Variants in PRKN observed in about 807,000 individuals in gnomAD.
The protein encoded by PRKN is parkin RBR E3 ubiquitin protein ligase, also known as E3 ubiquitin-protein ligase parkin.
Under a neutral mutation model 59.5 loss-of-function variants are expected in PRKN, and 56 were observed. That is an observed-to-expected ratio of 0.94 (90% CI 0.76 to 1.18). PRKN has a LOEUF of 1.18. PRKN is among the 50% of genes most tolerant of loss of function. The pLI, the probability that PRKN is intolerant of heterozygous loss-of-function variation, is 0.00. For synonymous variants in PRKN, 250 were observed against 222.1 expected, an observed-to-expected ratio of 1.13 and a Z score of -1.12; for missense variants, 657 against 596.4, an observed-to-expected ratio of 1.10 and a Z score of -1.06.
intron 4 of PRKN, among the ~76,000 whole-genome samples, chr6:162,131,413 T>C (rs1781351052): frequency 6.6e-6 from 1 of 152,222 alleles, no homozygotes; most frequent in Non-Finnish European, 1.5e-5. Context: ...TCCAGGTTTC[T>C]ATAAAAATCA....
In PRKN at chr6:162,417,500, T is replaced by C. The variant is rs1300521546; in HGVS notation, c.171+25810A>G. 7.2e-5 allele frequency among the ~76,000 whole-genome samples: 11 copies of C among 152,264 alleles called. No individual in the cohort carries two copies. The East Asian group carries it at 7.7e-4, about 11-fold the overall frequency. ...TGACCAGAAGCTGAAGGGAGACATATGTAAAGTAGAAAAGGAGTAACTTAA... is the reference window on the plus strand; with the variant it reads ...TGACCAGAAGCTGAAGGGAGACATACGTAAAGTAGAAAAGGAGTAACTTAA... On this transcript the variant is annotated intron_variant, in intron 2 of 11. Coordinates refer to ENST00000366898, the MANE Select transcript of PRKN (RefSeq NM_004562.3).
At chr6:162,132,090 C>T (rs2128308278) in intron 4 of PRKN, among the ~76,000 whole-genome samples, 1 of 152,174 alleles carries the variant, frequency 6.6e-6, no homozygotes, top group Admixed American at 6.5e-5. Flanking sequence ...TGAGTTGACC[C>T]CTGAAGATGG....
chr6:161,487,779 C>T lies in PRKN; in HGVS notation c.1083+61075G>A, dbSNP rs1198392647. On this transcript the variant is annotated intron_variant, in intron 9 of 11. Transcript: ENST00000366898. The surrounding 1 kb of genome is among the most constrained non-coding windows in gnomAD (Gnocchi z 5.3). ...GCTCATTGCTTTGGGCATACCCTGC[C>T]TCCAGCATGAAGTCTGGCACTAGGA... is the stretch of plus-strand genomic sequence containing the variant. Among the ~76,000 whole-genome samples, 1 of 152,152 alleles carries T rather than the reference C, an allele frequency of 6.6e-6. No individual in the cohort carries two copies. The highest frequency in any genetic ancestry group is 1.5e-5 in the Non-Finnish European group (1 of 68,034).
rs138721715 is a variant in PRKN at position 162,276,752 on chromosome 6, T to C, written c.172-13987A>G. Among the ~76,000 whole-genome samples, 619 of 151,966 alleles carry C rather than the reference T, an allele frequency of 4.1e-3. 6 individuals carry two copies. Among genetic ancestry groups the C allele is most frequent in the African/African-American group, 0.014 (591 of 41,470 alleles). ...GTATTTAAGCACCTCTCTTAGATAA[T>C]TGATAGCATGTTATATACTTTTTTC... On this transcript the variant is annotated intron_variant, in intron 2 of 11. Transcript: ENST00000366898.
At position 161,530,413 on chromosome 6, in the gene PRKN, A is replaced by T. The variant is rs1363871239; in HGVS notation, c.1083+18441T>A. Among the ~76,000 whole-genome samples, 1 of 152,204 alleles carries T rather than the reference A, an allele frequency of 6.6e-6. No homozygotes were observed. Among genetic ancestry groups the T allele is most frequent in the Non-Finnish European group, 1.5e-5 (1 of 68,024 alleles). On this transcript the variant is annotated intron_variant, in intron 9 of 11. Coordinates refer to ENST00000366898, the MANE Select transcript of PRKN (RefSeq NM_004562.3). The surrounding 1 kb of genome is among the most constrained non-coding windows in gnomAD (Gnocchi z 5.0). ...TTTGAAAAATCATACTTTTAGAAGA[A>T]ATTGCCCTTTCCATTTTCTTAACTG...
chr6:161,370,860 C>T (rs1785416239), intron 10 of PRKN, among the ~76,000 whole-genome samples: 1 of 152,180 alleles, frequency 6.6e-6, no homozygotes, highest in South Asian at 2.1e-4. Flanking sequence ...TGAATGACAG[C>T]TTTTAAATGT....
At chr6:162,496,571 A>G (rs1391193672) in intron 1 of PRKN, among the ~76,000 whole-genome samples, 2 of 152,192 alleles carry the variant, frequency 1.3e-5, no homozygotes, top group African/African-American at 4.8e-5. Context: ...AGATGAAACA[A>G]ATCTCTCTCT....
chr6:161,464,788 C>G lies in PRKN; in HGVS notation c.1084-77911G>C, dbSNP rs1790376992. On this transcript the variant is annotated intron_variant, in intron 9 of 11. Transcript: ENST00000366898. ...ATTCTGACATACAGGCCCCTAAGGT[C>G]TCTTATGAATCCCCAGTGAAACGAA... 3.3e-5 allele frequency among the ~76,000 whole-genome samples: 5 copies of G among 152,208 alleles called. No homozygotes were observed. In the South Asian group the frequency reaches 8.3e-4, roughly 25 times the overall value.
intron 1 of PRKN, among the ~76,000 whole-genome samples, chr6:162,709,453 T>C (rs866306891): frequency 3.3e-5 from 5 of 151,872 alleles, no homozygotes; most frequent in Non-Finnish European, 4.4e-5. Flanking sequence ...CCTCTCCCCT[T>C]GGACAAACAG....
intron 6 of PRKN, among the ~76,000 whole-genome samples, chr6:161,864,052 C>A (rs996125409): frequency 1.3e-5 from 2 of 152,164 alleles, no homozygotes; most frequent in Admixed American, 1.3e-4. Context: ...CTGACCAGGG[C>A]AGTGGTTGCT....
At chr6:161,517,198 T>A (rs1344745379) in intron 9 of PRKN, among the ~76,000 whole-genome samples, 3 of 152,150 alleles carry the variant, frequency 2.0e-5, no homozygotes, top group Non-Finnish European at 4.4e-5. Flanking sequence ...GAGTTCATGA[T>A]TGACAAGTGT....
At chr6:162,222,725 T>C (rs1562592240) in intron 3 of PRKN, among the ~76,000 whole-genome samples, 2 of 152,118 alleles carry the variant, frequency 1.3e-5, no homozygotes, top group African/African-American at 4.8e-5. Flanking sequence ...CTCACAGAAA[T>C]TGTGAGATCA....
At chr6:162,052,594 T>C (rs1465688817) in intron 5 of PRKN, among the ~76,000 whole-genome samples, 2 of 152,220 alleles carry the variant, frequency 1.3e-5, no homozygotes, top group Non-Finnish European at 2.9e-5. Flanking sequence ...CTCAGCCCAG[T>C]ACCCAGGACT....
intron 1 of PRKN, among the ~76,000 whole-genome samples, chr6:162,474,638 A>G (rs1164889382): frequency 6.6e-6 from 1 of 152,226 alleles, no homozygotes; most frequent in Admixed American, 6.5e-5. Flanking sequence ...AGAAAACTTT[A>G]AGGGCAAACA....
intron 4 of PRKN, among the ~76,000 whole-genome samples, chr6:162,104,910 G>A (rs1426101317): frequency 6.6e-6 from 1 of 152,152 alleles, no homozygotes; most frequent in African/African-American, 2.4e-5. Flanking sequence ...TTAAAAATAA[G>A]GATATTTTCC....
chr6:162,279,365 G>A (rs1031442898), intron 2 of PRKN, among the ~76,000 whole-genome samples: 5 of 149,742 alleles, frequency 3.3e-5, no homozygotes, highest in African/African-American at 1.2e-4. Context: ...AAGAAAGAGA[G>A]AGAGAGAGAA....
intron 2 of PRKN, among the ~76,000 whole-genome samples, chr6:162,397,927 C>G (rs938195463): frequency 1.3e-5 from 2 of 151,236 alleles, no homozygotes; most frequent in African/African-American, 4.9e-5. Context: ...AGCCAAGCTA[C>G]TTGGGAGGCT....
intron 2 of PRKN, chr6:162,263,341 A>G (rs921753979): frequency 1.1e-5 from 2 of 183,000 alleles, no homozygotes; most frequent in African/African-American, 4.8e-5. Context: ...GTTATTATCA[A>G]TGAGAGGGCA....
intron 9 of PRKN, among the ~76,000 whole-genome samples, chr6:161,481,027 G>C (rs754216000): frequency 6.6e-6 from 1 of 152,234 alleles, no homozygotes; most frequent in East Asian, 1.9e-4. Flanking sequence ...GCAGCAGCAC[G>C]TGGAAGTGGG....
Sources: allele counts gnomAD v4.1 joint callset (sites outside exome capture counted in the v4.1 genomes callset), GRCh38; gene constraint gnomAD v4.1.1; non-coding constraint Gnocchi (gnomAD v3.1); transcripts MANE v1.5; gene names NCBI Gene and HGNC (gene_info 2026-07-23, HGNC 2026-07-21).